The following KLHL29 variants were observed in gnomAD, a reference collection of about 807,000 sequenced individuals.
KLHL29 encodes kelch like family member 29.
Under a neutral mutation model 80.4 loss-of-function variants are expected in KLHL29, and 21 were observed. That is an observed-to-expected ratio of 0.26 (90% CI 0.19 to 0.38). The LOEUF is 0.38. Ranked by LOEUF, KLHL29 falls within the 10% of genes least tolerant of loss-of-function variation. KLHL29 has a pLI of 1.00. For synonymous variants in KLHL29, 511 were observed against 526.8 expected (o/e 0.97, Z 0.41); for missense variants, 867 against 1,223.9 (o/e 0.71, Z 4.35).
intron 1 of KLHL29, among the ~76,000 whole-genome samples, chr2:23,390,272 G>A (rs1416403656): frequency 1.3e-5 from 2 of 152,158 alleles, no homozygotes; most frequent in African/African-American, 2.4e-5. Context: ...TTTTCTGTGC[G>A]AGAGGGTATC....
At chr2:23,698,870 G>C (rs538086536) in intron 11 of KLHL29, among the ~76,000 whole-genome samples, 2 of 152,254 alleles carry the variant, frequency 1.3e-5, no homozygotes, top group South Asian at 4.1e-4. Flanking sequence ...CAGGAAATTC[G>C]CATTTGGTGC....
chr2:23,562,459 C>T lies in KLHL29; in HGVS notation c.263C>T (p.Ser88Phe). 6.5e-7 allele frequency: 1 copy of T among 1,536,316 alleles called. No individual in the cohort carries two copies. ...GCCATCACCAGCCTCGTGGCCAGCT[C>T]TGCGTCTGCGGTCACCACCAAGGTA... ...SEAITSLVAS[S>F]ASAVTTKAPG... The change falls in exon 3 of 14, where the codon TCT (serine) becomes TTT (phenylalanine). Residue 88 changes from serine to phenylalanine, a missense_variant. By Grantham distance (155) the Ser-to-Phe change is radical. This residue lies in a region of KLHL29 where 424 missense variants were observed against 456.9 expected (regional missense o/e 0.93). Coordinates refer to ENST00000486442, the MANE Select transcript of KLHL29 (RefSeq NM_052920.2). The surrounding 1 kb of genome is among the most constrained non-coding windows in gnomAD (Gnocchi z 4.5).
chr2:23,680,381 A>G lies in KLHL29; in HGVS notation c.941-4018A>G, dbSNP rs1671049203. On this transcript the variant is annotated intron_variant, in intron 5 of 13. Transcript: ENST00000486442. This position sits in a 1 kb window ranked among gnomAD's most constrained non-coding sequence, Gnocchi z 4.1. The stretch of plus-strand genomic sequence containing the variant: ...TGCAGGAGGAAGTGGGGAAAGGGGC[A>G]AAGAGGCCTGGGACAAAAATCTGAG... Among the ~76,000 whole-genome samples the G allele has an allele frequency of 6.6e-6, 1 of 152,170 alleles. No homozygotes were observed. Among genetic ancestry groups the G allele is most frequent in the African/African-American group, 2.4e-5 (1 of 41,442 alleles).
At chr2:23,614,737 A>C (rs1668957584) in intron 3 of KLHL29, among the ~76,000 whole-genome samples, 2 of 152,160 alleles carry the variant, frequency 1.3e-5, no homozygotes, top group African/African-American at 2.4e-5. Context: ...CAGAGACCCA[A>C]GGAGGTAAGA....
At position 23,703,828 on chromosome 2, in the gene KLHL29, G is replaced by A. The variant is rs1478420573; in HGVS notation, c.2409G>A (p.Ala803=). 9.1e-6 allele frequency: 14 copies of A among 1,537,340 alleles called. No homozygotes were observed. Among genetic ancestry groups the A allele is most frequent in the Admixed American group, 3.9e-5 (2 of 50,966 alleles). The change falls in exon 13 of 14, where the codon GCG becomes GCA. Residue 803 remains alanine, a synonymous_variant. Coordinates refer to ENST00000486442, the MANE Select transcript of KLHL29 (RefSeq NM_052920.2). ...IYDPEKGNIK[A]GPNMNHSRQF... ...ACCCTGAGAAAGGAAACATTAAGGC[G>A]GGCCCAAACATGAACCACTCTCGCC...
chr2:23,445,964 T>C (rs1415990914), intron 1 of KLHL29, among the ~76,000 whole-genome samples: 1 of 152,262 alleles, frequency 6.6e-6, no homozygotes, highest in Non-Finnish European at 1.5e-5. Context: ...AGAGAATTTC[T>C]AAATTAGAGA....
At chr2:23,531,746 C>G (rs1401063712) in intron 2 of KLHL29, among the ~76,000 whole-genome samples, 10 of 152,202 alleles carry the variant, frequency 6.6e-5, no homozygotes, top group Admixed American at 5.2e-4. Flanking sequence ...CAACTGATCC[C>G]AAGTTACAAT....
intron 2 of KLHL29, among the ~76,000 whole-genome samples, chr2:23,556,038 T>A (rs1195707142): frequency 6.6e-6 from 1 of 152,256 alleles, no homozygotes; most frequent in Non-Finnish European, 1.5e-5. Flanking sequence ...GAAGTGCTTC[T>A]GCCTGTCAGG....
At chr2:23,434,834 C>A (rs778472665) in intron 1 of KLHL29, among the ~76,000 whole-genome samples, 5 of 152,148 alleles carry the variant, frequency 3.3e-5, no homozygotes, top group Non-Finnish European at 5.9e-5. Flanking sequence ...GAGCTGATCA[C>A]CCCTGGCCCA....
chr2:23,537,243 T>A (rs999706463), intron 2 of KLHL29, among the ~76,000 whole-genome samples: 2 of 152,158 alleles, frequency 1.3e-5, no homozygotes, highest in African/African-American at 4.8e-5. Context: ...TGCTGCCGCT[T>A]CTGTGCCCCT....
At chr2:23,540,908 C>T (rs1330573411) in intron 2 of KLHL29, among the ~76,000 whole-genome samples, 1 of 152,184 alleles carries the variant, frequency 6.6e-6, no homozygotes, top group Non-Finnish European at 1.5e-5. Context: ...GTTCATATAT[C>T]GTATCTATGG....
intron 1 of KLHL29, among the ~76,000 whole-genome samples, chr2:23,452,118 CCTCCCACCTCAGCCT>C (rs1339722910): frequency 2.0e-5 from 3 of 151,964 alleles, no homozygotes; most frequent in African/African-American, 7.3e-5. Flanking sequence ...CTCAGTTGAT[CCTCCCACCTCAGCCT>C]CTTGAATAGC....
At chr2:23,549,050 G>T (rs945605813) in intron 2 of KLHL29, among the ~76,000 whole-genome samples, 1 of 152,220 alleles carries the variant, frequency 6.6e-6, no homozygotes, top group Non-Finnish European at 1.5e-5. Context: ...TCAGAGACCT[G>T]GGAGTTAGGG....
chr2:23,539,431 CCTTTT>C (rs370247078), intron 2 of KLHL29, among the ~76,000 whole-genome samples: 7 of 107,214 alleles, frequency 6.5e-5, no homozygotes, highest in Non-Finnish European at 7.5e-5. Flanking sequence ...TATCCTGCCT[CCTTTT>C]TTTTTTTTTT....
At chr2:23,633,772 T>TGTGTGTG (rs1460020420) in intron 3 of KLHL29, among the ~76,000 whole-genome samples, 5 of 151,740 alleles carry the variant, frequency 3.3e-5, no homozygotes, top group African/African-American at 1.2e-4. Flanking sequence ...TGTGTGTGTG[T>TGTGTGTG]GTGTGTGTGT....
chr2:23,442,899 C>G (rs1022102497), intron 1 of KLHL29, among the ~76,000 whole-genome samples: 1 of 152,032 alleles, frequency 6.6e-6, no homozygotes, highest in Admixed American at 6.5e-5. Context: ...TAGTTTTGCC[C>G]AGAGTTAAAT....
At chr2:23,526,151 G>C (rs949837047) in intron 2 of KLHL29, among the ~76,000 whole-genome samples, 2 of 152,350 alleles carry the variant, frequency 1.3e-5, no homozygotes, top group South Asian at 4.1e-4. Context: ...TCATTGAGTA[G>C]AAGATTCTGG....
chr2:23,522,192 A>G (rs13422807), intron 2 of KLHL29, among the ~76,000 whole-genome samples: 5,745 of 151,862 alleles, frequency 0.038, 162 homozygotes, highest in African/African-American at 0.082. Flanking sequence ...TCTGTTGCCC[A>G]GGCTGGAGTG....
At chr2:23,436,252 T>G (rs1663337222) in intron 1 of KLHL29, among the ~76,000 whole-genome samples, 2 of 151,022 alleles carry the variant, frequency 1.3e-5, no homozygotes, top group South Asian at 4.2e-4. Flanking sequence ...CATCCATGGA[T>G]TTAAGAGAAG....
Sources: gnomAD v4.1 joint callset for allele counts (sites outside exome capture counted in the v4.1 genomes callset) on GRCh38, gnomAD v4.1.1 for gene constraint, gnomAD v4.1.1 regional missense constraint, Gnocchi (gnomAD v3.1) non-coding constraint, MANE v1.5 for transcripts, NCBI Gene and HGNC (gene_info 2026-07-23, HGNC 2026-07-21) for gene names.